Variants in BTBD16 observed in about 807,000 individuals in gnomAD.
The protein encoded by BTBD16 is BTB domain containing 16, also known as BTB/POZ domain-containing protein 16.
Under a neutral mutation model 67.4 loss-of-function variants are expected in BTBD16, and 66 were observed. The ratio of observed to expected loss-of-function variants is 0.98; its 90% CI spans 0.80 to 1.20. BTBD16 has a LOEUF of 1.20. Ranked by LOEUF, BTBD16 falls within the 50% of genes most tolerant of loss-of-function variation. BTBD16 has a pLI of 0.00. For missense variants in BTBD16, 634 were observed against 616.0 expected (o/e 1.03, Z -0.31); for synonymous variants, 242 against 236.4 (o/e 1.02, Z -0.22).
At chr10:122,298,098 C>T (rs928410400) in intron 8 of BTBD16, among the ~76,000 whole-genome samples, 15 of 152,126 alleles carry the variant, frequency 9.9e-5, no homozygotes, top group African/African-American at 3.6e-4. Flanking sequence ...GCCTTTCTCA[C>T]CGAAACAGCC....
chr10:122,332,261 A>G, intron 12 of BTBD16, 175 bp from the exon 13 acceptor site: 1 of 605,780 alleles, frequency 1.7e-6, no homozygotes, highest in Non-Finnish European at 2.9e-6. Flanking sequence ...CAGACACAGT[A>G]AGTTTTCAAT....
intron 10 of BTBD16, among the ~76,000 whole-genome samples, chr10:122,317,331 A>C (rs115125092): frequency 6.6e-6 from 1 of 152,108 alleles, no homozygotes; most frequent in African/African-American, 2.4e-5. Context: ...TTAATTTTTT[A>C]CTTTTTAAAC....
At chr10:122,311,764 T>G (rs1173436924) in intron 10 of BTBD16, among the ~76,000 whole-genome samples, 2 of 152,252 alleles carry the variant, frequency 1.3e-5, no homozygotes, top group African/African-American at 4.8e-5. Context: ...ACAGGGGACA[T>G]GGCCAGTCTC....
At chr10:122,334,495 T>A (rs1428928863) in intron 13 of BTBD16, among the ~76,000 whole-genome samples, 17 of 13,018 alleles carry the variant, frequency 1.3e-3, no homozygotes, top group Non-Finnish European at 1.5e-3. Context: ...GTGCCCGGCC[T>A]TTTTTTTTTT....
At chr10:122,289,452 C>T (rs1217180675) in intron 5 of BTBD16, among the ~76,000 whole-genome samples, 1 of 152,132 alleles carries the variant, frequency 6.6e-6, no homozygotes, top group East Asian at 1.9e-4. Flanking sequence ...AAAAATGCGT[C>T]TATAGGCCGG....
rs951810282 is a variant in BTBD16, at chr10:122,307,293, T to C, written c.896T>C (p.Met299Thr). 6.2e-7 allele frequency: 1 copy of C among 1,605,808 alleles called. No homozygotes were observed. The highest frequency in any genetic ancestry group is 8.5e-7 in the Non-Finnish European group (1 of 1,177,628). ...IQAIPTYETV[M>T]TFFKSFPENC... ...GCAATTCCGACTTATGAAACCGTGA[T>C]GACATTTTTTAAGAGGTAATATAAC... The change falls in exon 10 of 16, where the codon ATG becomes ACG. Residue 299 changes from methionine to threonine, a missense_variant. Coordinates refer to ENST00000260723, the MANE Select transcript of BTBD16 (RefSeq NM_144587.5).
At chr10:122,290,039 C>A (rs760418163) in intron 6 of BTBD16, 41 bp downstream of exon 6, 8 of 1,323,424 alleles carry the variant, frequency 6.0e-6, no homozygotes, top group Admixed American at 1.8e-5. Flanking sequence ...TGCCATTGAA[C>A]AAATGGTCCT....
At chr10:122,334,059 C>G (rs61457414) in intron 13 of BTBD16, among the ~76,000 whole-genome samples, 2 of 152,106 alleles carry the variant, frequency 1.3e-5, no homozygotes, top group Non-Finnish European at 2.9e-5. Flanking sequence ...GTAATTACTA[C>G]TACCAAGGAT....
At chr10:122,288,980 C>T (rs544362922) in intron 5 of BTBD16, among the ~76,000 whole-genome samples, 1 of 152,242 alleles carries the variant, frequency 6.6e-6, no homozygotes, top group South Asian at 2.1e-4. Context: ...GAGAGCAGTG[C>T]CACTCTGTAG....
At chr10:122,295,307 G>C in intron 7 of BTBD16, 1 of 985,428 alleles carries the variant, frequency 1.0e-6, no homozygotes, top group Non-Finnish European at 1.2e-6. Context: ...GCAGTCAAAG[G>C]GGGAGAAAGA....
At chr10:122,313,512 C>G (rs1363046211) in intron 10 of BTBD16, among the ~76,000 whole-genome samples, 1 of 148,316 alleles carries the variant, frequency 6.7e-6, no homozygotes, top group African/African-American at 2.5e-5. Context: ...ATCCGCCCGC[C>G]TCGGCCTCCC....
Position 122,291,127 on chromosome 10 carries a change from A to C in BTBD16, c.523A>C (p.Asn175His), listed in dbSNP as rs1344056128. ...KNLYMSEVEI[N>H]LEDLLGVLAS... ...CCTCTACATGAGTGAGGTGGAGATT[A>C]ACTTGGAAGACCTACTGGGAGTGCT... is the stretch of plus-strand genomic sequence containing the variant. Residue 175 changes from asparagine (N) to histidine (H), a missense_variant, in exon 7 of 16, where the codon AAC becomes CAC. Transcript: ENST00000260723. 6.2e-7 allele frequency: 1 copy of C among 1,613,678 alleles called. No homozygotes were observed. The highest frequency in any genetic ancestry group is 8.5e-7 in the Non-Finnish European group (1 of 1,179,828).
intron 10 of BTBD16, among the ~76,000 whole-genome samples, chr10:122,312,986 C>T (rs2096416823): frequency 6.6e-6 from 1 of 152,120 alleles, no homozygotes; most frequent in Non-Finnish European, 1.5e-5. Context: ...AAACGATTCT[C>T]TTGCCTCAGC....
intron 4 of BTBD16, among the ~76,000 whole-genome samples, chr10:122,285,032 C>T (rs1053026906): frequency 6.6e-6 from 1 of 152,138 alleles, no homozygotes; most frequent in African/African-American, 2.4e-5. Flanking sequence ...CCCCCCGGAA[C>T]CCCAGCACTA....
intron 1 of BTBD16, among the ~76,000 whole-genome samples, chr10:122,272,855 G>C (rs2096332003): frequency 6.6e-6 from 1 of 152,130 alleles, no homozygotes; most frequent in Non-Finnish European, 1.5e-5. Flanking sequence ...TGAGACTACA[G>C]TAACCCAGTA....
chr10:122,299,232 C>A (rs1228950415), intron 9 of BTBD16, 98 bp downstream of exon 9: 1 of 1,400,534 alleles, frequency 7.1e-7, no homozygotes. Flanking sequence ...GCTGCACCCC[C>A]ACCTTAAGCT....
intron 5 of BTBD16, chr10:122,287,556 T>G (rs967747783): frequency 9.7e-5 from 81 of 835,716 alleles, no homozygotes; most frequent in Non-Finnish European, 1.1e-4. Context: ...CCTCGCAAGT[T>G]CCATGGACCG....
In BTBD16 at chr10:122,299,096, C is replaced by G. The variant is rs2142079968; in HGVS notation, c.753C>G (p.Ile251Met). ...GGACGCAGATCCACCTCCACAAAAT[C>G]CCACAGGACCTGCTCCACAAAGTGC... ...LGGTQIHLHK[I>M]PQDLLHKVLK... The change falls in exon 9 of 16, where the codon ATC becomes ATG. Residue 251 changes from isoleucine (I) to methionine (M), a missense_variant. Ile to Met is a conservative substitution (Grantham distance 10, BLOSUM62 1). Coordinates refer to ENST00000260723, the MANE Select transcript of BTBD16 (RefSeq NM_144587.5). 6.2e-7 allele frequency: 1 copy of G among 1,613,994 alleles called. No individual in the cohort carries two copies. The highest frequency in any genetic ancestry group is 1.1e-5 in the South Asian group (1 of 91,042).
chr10:122,291,062 T>G lies in BTBD16; in HGVS notation c.476-18T>G. 6.2e-7 allele frequency: 1 copy of G among 1,604,822 alleles called. No homozygotes were observed. Among genetic ancestry groups the G allele is most frequent in the Non-Finnish European group, 8.5e-7 (1 of 1,175,974 alleles). On this transcript the variant is annotated intron_variant, in intron 6 of 15. Transcript: ENST00000260723. ...GCAGAGCCCCACACAGATGGCTCGCTTGGCTGTGCCTCCCCAGCCTTCGCC... is the reference window on the plus strand; with the variant it reads ...GCAGAGCCCCACACAGATGGCTCGCGTGGCTGTGCCTCCCCAGCCTTCGCC...
Sources: gnomAD v4.1 joint callset for allele counts (sites outside exome capture counted in the v4.1 genomes callset) on GRCh38, gnomAD v4.1.1 for gene constraint, MANE v1.5 for transcripts, NCBI Gene and HGNC (gene_info 2026-07-23, HGNC 2026-07-21) for gene names.